Variants in RGS6 observed in about 807,000 individuals in gnomAD.
RGS6 encodes regulator of G-protein signaling 6.
A neutral mutation model predicts 78.5 loss-of-function variants in RGS6; 30 were observed. That is an observed-to-expected ratio of 0.38 (90% CI 0.29 to 0.52). The LOEUF (loss-of-function observed/expected upper bound fraction) is 0.52. Among genes scored for constraint, RGS6 ranks in the 20% least tolerant of loss-of-function variants. The probability of loss-of-function intolerance (pLI) is 0.85; values close to 1 mark genes in which losing one functional copy is unlikely to be tolerated. For missense variants in RGS6, 495 were observed against 609.7 expected (o/e 0.81, Z 1.98); for synonymous variants, 206 against 206.0 (o/e 1.00, Z 0.00).
intron 2 of RGS6, 34 bp from the exon 3 acceptor site, chr14:72,352,061 G>A (rs761146404): frequency 1.4e-5 from 21 of 1,514,544 alleles, no homozygotes; most frequent in Admixed American, 7.1e-5. Context: ...CATTATGGGA[G>A]AAAATAACAC....
intron 10 of RGS6, among the ~76,000 whole-genome samples, chr14:72,474,933 C>G (rs1566936073): frequency 6.7e-6 from 1 of 148,808 alleles, no homozygotes. Context: ...AACAAGCCAA[C>G]AGGCAACAGG....
intron 13 of RGS6, among the ~76,000 whole-genome samples, chr14:72,500,641 A>G (rs2096711642): frequency 6.6e-6 from 1 of 152,366 alleles, no homozygotes; most frequent in African/African-American, 2.4e-5. Flanking sequence ...GGCAAAGGAC[A>G]TTAAGCCACT....
chr14:72,169,701 G>A (rs936759656), intron 2 of RGS6, among the ~76,000 whole-genome samples: 1 of 152,190 alleles, frequency 6.6e-6, no homozygotes, highest in East Asian at 1.9e-4. Flanking sequence ...CCTTACAGAT[G>A]GCTGTGGCCA....
intron 2 of RGS6, among the ~76,000 whole-genome samples, chr14:72,025,408 G>A (rs1446930078): frequency 2.0e-5 from 3 of 152,058 alleles, no homozygotes; most frequent in Non-Finnish European, 4.4e-5. Context: ...TTCTTTGGGA[G>A]AAAATGACTT....
the RGS6 span, among the ~76,000 whole-genome samples, chr14:72,602,523 G>A: frequency 6.6e-6 from 1 of 152,150 alleles, no homozygotes; most frequent in South Asian, 2.1e-4. Context: ...TTCTCTCAAG[G>A]GTTCTCAGGC....
chr14:72,089,025 G>T (rs964833614), intron 2 of RGS6, among the ~76,000 whole-genome samples: 1 of 152,168 alleles, frequency 6.6e-6, no homozygotes, highest in Non-Finnish European at 1.5e-5. Context: ...CTGTCTCATT[G>T]CACCTTTTAT....
intron 2 of RGS6, among the ~76,000 whole-genome samples, chr14:72,285,792 G>C (rs1316781852): frequency 6.6e-6 from 1 of 152,072 alleles, no homozygotes; most frequent in Non-Finnish European, 1.5e-5. Context: ...TCATATACTT[G>C]TTGGCCATTT....
chr14:72,497,020 A>C (rs1226611749), intron 13 of RGS6, among the ~76,000 whole-genome samples: 1 of 152,176 alleles, frequency 6.6e-6, no homozygotes, highest in East Asian at 1.9e-4. Context: ...TATTTAGCTT[A>C]TGTCCTCCTT....
At chr14:71,904,454 G>A in the RGS6 span, among the ~76,000 whole-genome samples, 1 of 152,218 alleles carries the variant, frequency 6.6e-6, no homozygotes, top group Non-Finnish European at 1.5e-5. Flanking sequence ...ATAGGAAAAA[G>A]TGGAACTTCA....
intron 2 of RGS6, among the ~76,000 whole-genome samples, chr14:72,143,915 A>G (rs1342407730): frequency 1.3e-5 from 2 of 152,252 alleles, no homozygotes; most frequent in Non-Finnish European, 2.9e-5. Flanking sequence ...GAATCAAGTT[A>G]ACATCAAATT....
intron 2 of RGS6, among the ~76,000 whole-genome samples, chr14:72,051,859 C>T (rs965273705): frequency 6.6e-6 from 1 of 152,094 alleles, no homozygotes; most frequent in African/African-American, 2.4e-5. Context: ...AGCGACCTGA[C>T]CAAAAAATGA....
At chr14:72,470,104 C>A (rs904579581) in intron 8 of RGS6, 21 bp downstream of exon 8, 9 of 1,565,616 alleles carry the variant, frequency 5.7e-6, no homozygotes, top group Non-Finnish European at 7.9e-6. Flanking sequence ...TTGATAGAGA[C>A]CTTTTCAGAG....
intron 2 of RGS6, among the ~76,000 whole-genome samples, chr14:72,171,189 A>T (rs973999406): frequency 2.0e-5 from 3 of 152,114 alleles, no homozygotes; most frequent in South Asian, 2.1e-4. Flanking sequence ...AAAAAGCTGA[A>T]GGGATTTTGT....
chr14:71,951,007 C>G (rs1595104979), intron 1 of RGS6, among the ~76,000 whole-genome samples: 1 of 152,204 alleles, frequency 6.6e-6, no homozygotes, highest in East Asian at 1.9e-4. Flanking sequence ...GGTGATTCCT[C>G]AAAGACCTAG....
At chr14:72,396,281 T>C (rs549241522) in intron 3 of RGS6, among the ~76,000 whole-genome samples, 14 of 152,374 alleles carry the variant, frequency 9.2e-5, no homozygotes, top group Non-Finnish European at 1.8e-4. Flanking sequence ...ATTTCTCTGA[T>C]GGCCAGTGAT....
chr14:72,203,849 G>A (rs1346236112), intron 2 of RGS6, among the ~76,000 whole-genome samples: 1 of 132,386 alleles, frequency 7.6e-6, no homozygotes, highest in Admixed American at 8.4e-5. Flanking sequence ...TTTTGAGACA[G>A]AGTCATGCTG....
chr14:72,499,663 GTTGT>G (rs966046765), intron 13 of RGS6, among the ~76,000 whole-genome samples: 2 of 151,758 alleles, frequency 1.3e-5, no homozygotes, highest in African/African-American at 4.8e-5. Flanking sequence ...GGGTTTTTTT[GTTGT>G]TTGTTTGTTG....
chr14:72,196,291 G>A lies in RGS6; in HGVS notation c.85-155804G>A, dbSNP rs370817446. Among the ~76,000 whole-genome samples, 15 of 152,194 alleles carry A rather than the reference G, an allele frequency of 9.9e-5. 1 individual carries two copies. Among genetic ancestry groups the A allele is most frequent in the African/African-American group, 3.4e-4 (14 of 41,526 alleles). Reference sequence around the variant, plus strand: ...TTTTGCTGGGAGATGGAGAGGAGAGGCTGTCAGATTAACCAGTTTATGGAT... The same window carrying A: ...TTTTGCTGGGAGATGGAGAGGAGAGACTGTCAGATTAACCAGTTTATGGAT... On this transcript the variant is annotated intron_variant, in intron 2 of 17. Transcript: ENST00000553525.
At chr14:71,916,936 A>G in the RGS6 span, among the ~76,000 whole-genome samples, 2 of 152,216 alleles carry the variant, frequency 1.3e-5, no homozygotes, top group Non-Finnish European at 2.9e-5. Context: ...TGAAAACCTT[A>G]GAGTGTACAC....
Sources: allele counts gnomAD v4.1 joint callset (sites outside exome capture counted in the v4.1 genomes callset), GRCh38; gene constraint gnomAD v4.1.1; transcripts MANE v1.5; gene names NCBI Gene and HGNC (gene_info 2026-07-23, HGNC 2026-07-21).